Variants in NLRP11 observed in about 807,000 individuals in gnomAD.
NLRP11 encodes the protein NACHT, LRR and PYD domains-containing protein 11.
In NLRP11, 53 loss-of-function variants were observed where a neutral mutation model predicts 79.3. The observed-to-expected ratio is 0.67, with a 90% CI of 0.54 to 0.84. The LOEUF is 0.84. Among genes scored for constraint, NLRP11 ranks in the 40% least tolerant of loss-of-function variants. The probability of loss-of-function intolerance (pLI) is 0.00; values close to 1 mark genes in which losing one functional copy is unlikely to be tolerated. For synonymous variants in NLRP11, 518 were observed against 462.6 expected (o/e 1.12, Z -1.54); for missense variants, 1,264 against 1,255.0 (o/e 1.01, Z -0.11).
exon 3 of NLRP11, chr19:55,808,812 G>A (rs565303853): frequency 2.1e-5 from 34 of 1,612,932 alleles, no homozygotes; most frequent in East Asian, 1.1e-4. Flanking sequence ...TGAAAGATGC[G>A]CTGAACACTC....
chr19:55,795,734 T>C (rs8110735), intron 6 of NLRP11, among the ~76,000 whole-genome samples: 28,561 of 152,014 alleles, frequency 0.19, 2,832 homozygotes, highest in Non-Finnish European at 0.23. Flanking sequence ...GTGATCCGCC[T>C]GCCTCGGCCT....
intron 9 of NLRP11, among the ~76,000 whole-genome samples, chr19:55,788,561 A>C (rs1405489856): frequency 6.6e-6 from 1 of 151,652 alleles, no homozygotes; most frequent in Middle Eastern, 3.2e-3. Context: ...CAACATGGTG[A>C]AACCCCGTCT....
upstream of NLRP11, among the ~76,000 whole-genome samples, chr19:55,833,793 A>G (rs1042295399): frequency 2.2e-4 from 31 of 141,564 alleles, no homozygotes; most frequent in African/African-American, 8.0e-4. Flanking sequence ...AAAAAAAAAG[A>G]CTTATTGGCA....
intron 1 of NLRP11, among the ~76,000 whole-genome samples, chr19:55,823,082 C>G (rs373085157): frequency 7.4e-6 from 1 of 135,670 alleles, no homozygotes; most frequent in East Asian, 2.3e-4. Flanking sequence ...CAGCAGACTG[C>G]CTCCTCAAGT....
exon 9 of NLRP11, chr19:55,788,836 G>A (rs757332259): frequency 4.2e-5 from 68 of 1,610,310 alleles, no homozygotes; most frequent in South Asian, 7.7e-5. Flanking sequence ...AATCTGGGCT[G>A]ATCAAGCTCT....
intron 1 of NLRP11, among the ~76,000 whole-genome samples, chr19:55,821,214 C>T (rs4801632): frequency 0.16 from 19,037 of 117,752 alleles, 1,405 homozygotes; most frequent in East Asian, 0.31. Flanking sequence ...CTCACACACA[C>T]ACACACACAC....
chr19:55,808,949 T>C, exon 3 of NLRP11: 2 of 1,614,074 alleles, frequency 1.2e-6, no homozygotes, highest in South Asian at 2.2e-5. Flanking sequence ...AAATTCTTCT[T>C]CCCGATTCTC....
intron 1 of NLRP11, among the ~76,000 whole-genome samples, chr19:55,824,330 C>T (rs1490042170): frequency 6.7e-6 from 1 of 149,366 alleles, no homozygotes; most frequent in South Asian, 2.1e-4. Context: ...TAAAGACCAT[C>T]GAGACCAGGA....
intron 2 of NLRP11, among the ~76,000 whole-genome samples, chr19:55,814,470 G>A (rs777173115): frequency 2.0e-5 from 3 of 152,036 alleles, no homozygotes; most frequent in East Asian, 1.9e-4. Context: ...AAAAAGGTGC[G>A]GGACCACTGC....
At chr19:55,818,181 T>C (rs1981334840) in exon 2 of NLRP11, 1 of 1,608,694 alleles carries the variant, frequency 6.2e-7, no homozygotes, top group African/African-American at 1.3e-5. Flanking sequence ...CCATCTTGCT[T>C]CTCCAGGGAA....
At chr19:55,828,428 G>T (rs1982436194) in intron 1 of NLRP11, among the ~76,000 whole-genome samples, 1 of 151,518 alleles carries the variant, frequency 6.6e-6, no homozygotes, top group African/African-American at 2.4e-5. Flanking sequence ...ATAAAAAAAA[G>T]AATTTTATCA....
intron 2 of NLRP11, among the ~76,000 whole-genome samples, chr19:55,815,142 G>C (rs1364208022): frequency 2.0e-5 from 3 of 152,094 alleles, no homozygotes; most frequent in Non-Finnish European, 4.4e-5. Flanking sequence ...TAATTATGGA[G>C]TATGTAAATA....
At chr19:55,817,773 A>G in intron 2 of NLRP11, 131 bp downstream of exon 2, 1 of 703,122 alleles carries the variant, frequency 1.4e-6, no homozygotes, top group Middle Eastern at 4.1e-4. Flanking sequence ...CCACTAAAGA[A>G]CTTACTCATG....
At chr19:55,792,404 T>C (rs1428265594) in exon 7 of NLRP11, 3 of 1,613,922 alleles carry the variant, frequency 1.9e-6, no homozygotes, top group South Asian at 1.1e-5. Context: ...TGTCTTAGAG[T>C]TGGGCTGAAC....
chr19:55,795,823 T>A (rs77269757), intron 6 of NLRP11, among the ~76,000 whole-genome samples: 3,110 of 152,276 alleles, frequency 0.02, 140 homozygotes, highest in East Asian at 0.13. Flanking sequence ...TCCAAAGATG[T>A]ATGTTTGGTC....
At position 55,818,250 on chromosome 19, in the gene NLRP11, T is replaced by A. The variant is rs1981341549; in HGVS notation, c.-62-14A>T. On this transcript the variant is annotated splice_polypyrimidine_tract_variant and intron_variant, in intron 1 of 9. Coordinates refer to ENST00000589093, the Ensembl canonical transcript of NLRP11. ...GAAATATGAGATCTAAAAATAGATG[T>A]GGAATCAGACAATCAAACCACACAG... 1 of 1,198,268 alleles carries A rather than the reference T, an allele frequency of 8.3e-7. No homozygotes were observed. The highest frequency in any genetic ancestry group is 2.1e-5 in the Admixed American group (1 of 47,700). The allele number at this position is 1,198,268 out of a possible 1,614,324, so 74.2% of individuals were successfully genotyped here. A position where few individuals can be genotyped will look rare whatever the true frequency, so the allele number is the denominator to read the frequency against.
intron 1 of NLRP11, among the ~76,000 whole-genome samples, chr19:55,818,847 T>C (rs1981395271): frequency 6.6e-6 from 1 of 152,112 alleles, no homozygotes; most frequent in South Asian, 2.1e-4. Flanking sequence ...AGACAGCCCC[T>C]AGGTTATTTT....
Position 55,809,498 on chromosome 19 carries a change from G to T in NLRP11, c.1112C>A (p.Ala371Asp). ...TGTCAACGCATCAGCAAGAAAGTGG[G>T]CATGTAGATCAGTGGGTGTTTGGCA... is the stretch of plus-strand genomic sequence containing the variant. The change falls in exon 3 of 10, where the codon GCC becomes GAC. Residue 371 changes from alanine to aspartate, a missense_variant. By Grantham distance (126) the Ala-to-Asp change is moderately radical. Coordinates refer to ENST00000589093, the Ensembl canonical transcript of NLRP11. This position sits in a 1 kb window ranked among gnomAD's most constrained non-coding sequence, Gnocchi z 4.5. 1 of 1,614,142 alleles carries T rather than the reference G, an allele frequency of 6.2e-7. No individual in the cohort carries two copies. The highest frequency in any genetic ancestry group is 1.1e-5 in the South Asian group (1 of 91,080).
At position 55,808,395 on chromosome 19, in the gene NLRP11, T is replaced by C. The variant is rs529819887; in HGVS notation, c.1841+374A>G. 2.1e-4 allele frequency among the ~76,000 whole-genome samples: 32 copies of C among 152,350 alleles called. 1 individual carries two copies. The highest frequency in any genetic ancestry group is 9.1e-4 in the Admixed American group (14 of 15,304). ...TGAAGAAATTAGGTTAAACCACTGG[T>C]TTGCAATGAGGCAATTCTGCCGCTA... On this transcript the variant is annotated intron_variant, in intron 3 of 9. Coordinates refer to ENST00000589093, the Ensembl canonical transcript of NLRP11.
Sources: allele counts gnomAD v4.1 joint callset (sites outside exome capture counted in the v4.1 genomes callset), GRCh38; gene constraint gnomAD v4.1.1; non-coding constraint Gnocchi (gnomAD v3.1); transcripts MANE v1.5; gene names NCBI Gene and HGNC (gene_info 2026-07-23, HGNC 2026-07-21).